Variants in NEGR1 observed in about 807,000 individuals in gnomAD.
The protein encoded by NEGR1 is IgLON family member 4.
A neutral mutation model predicts 40.9 loss-of-function variants in NEGR1; 10 were observed. The observed-to-expected ratio is 0.24, with a 90% CI of 0.15 to 0.42. The LOEUF (loss-of-function observed/expected upper bound fraction) is 0.42. Ranked by LOEUF, NEGR1 falls within the 10% of genes least tolerant of loss-of-function variation. NEGR1 has a pLI of 1.00. For synonymous variants in NEGR1, 185 were observed against 166.8 expected, an observed-to-expected ratio of 1.11 and a Z score of -0.84; for missense variants, 352 against 438.9, an observed-to-expected ratio of 0.80 and a Z score of 1.77.
intron 4 of NEGR1, among the ~76,000 whole-genome samples, chr1:71,620,606 T>A (rs1218275048): frequency 2.0e-5 from 3 of 151,988 alleles, no homozygotes; most frequent in African/African-American, 7.2e-5. Flanking sequence ...AGCAAATATG[T>A]CTTCGCCTAA....
At chr1:72,032,800 T>A (rs570706882) in intron 1 of NEGR1, among the ~76,000 whole-genome samples, 6 of 152,120 alleles carry the variant, frequency 3.9e-5, no homozygotes, top group Non-Finnish European at 7.4e-5. Flanking sequence ...GTGAGGTCAC[T>A]TCCTAGGTGA....
At chr1:71,907,533 A>T (rs1570487834) in intron 2 of NEGR1, among the ~76,000 whole-genome samples, 1 of 152,164 alleles carries the variant, frequency 6.6e-6, no homozygotes, top group Non-Finnish European at 1.5e-5. Flanking sequence ...GCTGTGGAGG[A>T]AAGGAAACAC....
At chr1:71,467,083 A>T (rs532388757) in intron 6 of NEGR1, among the ~76,000 whole-genome samples, 1 of 152,138 alleles carries the variant, frequency 6.6e-6, no homozygotes. Context: ...TGTTAAAAAC[A>T]TATTCACATA....
chr1:71,679,726 T>C (rs186537854), intron 4 of NEGR1, among the ~76,000 whole-genome samples: 66 of 152,224 alleles, frequency 4.3e-4, no homozygotes, highest in Middle Eastern at 6.8e-3. Context: ...ATTGAAAGGT[T>C]CAGTATGAGA....
chr1:72,259,464 C>G (rs1231305904), intron 1 of NEGR1, among the ~76,000 whole-genome samples: 1 of 152,052 alleles, frequency 6.6e-6, no homozygotes, highest in Non-Finnish European at 1.5e-5. Context: ...AATAACGACT[C>G]TTTGTGACAT....
chr1:71,862,155 T>C (rs1659968433), intron 2 of NEGR1, among the ~76,000 whole-genome samples: 2 of 152,084 alleles, frequency 1.3e-5, no homozygotes, highest in Non-Finnish European at 1.5e-5. Flanking sequence ...AGGGAGATCT[T>C]CCTATCATTA....
intron 1 of NEGR1, among the ~76,000 whole-genome samples, chr1:72,225,871 T>C (rs993775137): frequency 6.6e-6 from 1 of 151,774 alleles, no homozygotes; most frequent in African/African-American, 2.4e-5. Context: ...TCTGTCACTT[T>C]TGATGAAAGT....
intron 4 of NEGR1, among the ~76,000 whole-genome samples, chr1:71,624,565 C>T (rs999856605): frequency 1.3e-5 from 2 of 152,012 alleles, no homozygotes; most frequent in African/African-American, 4.8e-5. Flanking sequence ...CCATTGCCTC[C>T]CTTGTCCAAT....
intron 1 of NEGR1, among the ~76,000 whole-genome samples, chr1:72,181,385 C>T (rs1252543718): frequency 6.6e-6 from 1 of 152,074 alleles, no homozygotes; most frequent in Non-Finnish European, 1.5e-5. Flanking sequence ...CACTCTTGCA[C>T]TTTCTTTGTC....
At chr1:71,783,896 C>T (rs1368773271) in intron 2 of NEGR1, among the ~76,000 whole-genome samples, 1 of 151,760 alleles carries the variant, frequency 6.6e-6, no homozygotes, top group African/African-American at 2.4e-5. Flanking sequence ...TATTAAGCCC[C>T]ATCTCAGGGT....
rs1041892503 is a variant in NEGR1 at position 71,407,781 on chromosome 1, A to G, written c.941-211T>C. The G allele has an allele frequency of 8.3e-5, 41 of 493,948 alleles. 1 individual carries two copies. In the Admixed American group the frequency reaches 1.4e-3, roughly 17 times the overall value. The allele number at this position is 493,948 out of a possible 1,614,324, so 30.6% of individuals were successfully genotyped here. On this transcript the variant is annotated intron_variant, in intron 6 of 6. Coordinates refer to ENST00000357731, the MANE Select transcript of NEGR1 (RefSeq NM_173808.3). ...GTTTTCTCAAGGGCAAAATGAAAATAATAGAAATAATAGAATCCACCTCAC... is the reference window on the plus strand; with the variant it reads ...GTTTTCTCAAGGGCAAAATGAAAATGATAGAAATAATAGAATCCACCTCAC...
At chr1:71,434,522 A>T (rs1221640530) in intron 6 of NEGR1, among the ~76,000 whole-genome samples, 2 of 152,122 alleles carry the variant, frequency 1.3e-5, no homozygotes, top group Non-Finnish European at 2.9e-5. Context: ...TCTCCAATAA[A>T]TTGTGTATTG....
intron 1 of NEGR1, among the ~76,000 whole-genome samples, chr1:72,032,342 G>A (rs1569852861): frequency 6.6e-6 from 1 of 152,142 alleles, no homozygotes; most frequent in Non-Finnish European, 1.5e-5. Flanking sequence ...GTAGTGCACA[G>A]AATAATGGGC....
At chr1:72,029,214 C>T (rs1264726857) in intron 1 of NEGR1, among the ~76,000 whole-genome samples, 2 of 152,014 alleles carry the variant, frequency 1.3e-5, no homozygotes, top group Non-Finnish European at 2.9e-5. Flanking sequence ...GACATGGTGG[C>T]TTGCGCTTGT....
At chr1:72,101,376 C>T (rs1164011667) in intron 1 of NEGR1, among the ~76,000 whole-genome samples, 1 of 152,064 alleles carries the variant, frequency 6.6e-6, no homozygotes, top group Non-Finnish European at 1.5e-5. Flanking sequence ...ATATACTTAA[C>T]ATGAAGAATG....
At chr1:71,864,007 C>G (rs1477216479) in intron 2 of NEGR1, among the ~76,000 whole-genome samples, 1 of 151,954 alleles carries the variant, frequency 6.6e-6, no homozygotes, top group East Asian at 1.9e-4. Flanking sequence ...AGCAAATTGC[C>G]CAAAGTCACA....
intron 1 of NEGR1, among the ~76,000 whole-genome samples, chr1:72,055,628 C>T (rs1647103137): frequency 6.6e-6 from 1 of 150,756 alleles, no homozygotes; most frequent in Non-Finnish European, 1.5e-5. Flanking sequence ...AAAACGAGTG[C>T]TATCCTATTC....
intron 1 of NEGR1, among the ~76,000 whole-genome samples, chr1:72,007,224 A>C (rs1646615611): frequency 6.6e-6 from 1 of 152,132 alleles, no homozygotes; most frequent in Non-Finnish European, 1.5e-5. Flanking sequence ...GGCCATATTA[A>C]TAAGCTTGAC....
intron 6 of NEGR1, among the ~76,000 whole-genome samples, chr1:71,416,994 C>G (rs949123134): frequency 2.0e-5 from 3 of 152,178 alleles, no homozygotes; most frequent in Admixed American, 1.3e-4. Flanking sequence ...TGACAGGGAT[C>G]AAATGATGTG....
Sources: allele counts gnomAD v4.1 joint callset (sites outside exome capture counted in the v4.1 genomes callset), GRCh38; gene constraint gnomAD v4.1.1; transcripts MANE v1.5; gene names NCBI Gene and HGNC (gene_info 2026-07-23, HGNC 2026-07-21).